The following URB1 variants were observed in gnomAD, a reference collection of about 807,000 sequenced individuals.
URB1 encodes the protein nucleolar pre-ribosomal-associated protein 1.
URB1 carries 197 observed loss-of-function variants against 242.3 expected under a neutral mutation model. The ratio of observed to expected loss-of-function variants is 0.81; its 90% CI spans 0.72 to 0.91. The LOEUF is 0.91. Among genes scored for constraint, URB1 ranks in the 40% least tolerant of loss-of-function variants. URB1 has a pLI of 0.00. For synonymous variants in URB1, 1,153 were observed against 1,201.8 expected (o/e 0.96, Z 0.84); for missense variants, 2,721 against 2,860.5 (o/e 0.95, Z 1.11).
chr21:32,393,011 AGGAAGAGGCGGGGCTGGC>A (rs60255358), exon 1 of URB1: 121,172 of 1,329,102 alleles, frequency 0.091, 9,707 homozygotes, highest in African/African-American at 0.36. Context: ...CACATGGCGC[AGGAAGAGGCGGGGCTGGC>A]GGAAGAGGCG....
chr21:32,347,680 A>G lies in URB1; in HGVS notation c.3144T>C (p.Phe1048=), dbSNP rs1001514702. 9 of 1,551,398 alleles carry G rather than the reference A, an allele frequency of 5.8e-6. No homozygotes were observed. Among genetic ancestry groups the G allele is most frequent in the Middle Eastern group, 3.3e-4 (2 of 6,014 alleles). ...CCAGCAGCTGAAGGACCCCTGCACT[A>G]AAGTGGGTGGCCAGGAGCTTCACGA... The part of the protein sequence containing the change: ...PVLVKLLATH[F]SAGVLQLLAA... Residue 1048 remains phenylalanine (F), a synonymous_variant, in exon 22 of 39, where the codon TTT becomes TTC. Transcript: ENST00000382751.
At chr21:32,390,275 A>G (rs528545108) in intron 1 of URB1, among the ~76,000 whole-genome samples, 195 of 152,328 alleles carry the variant, frequency 1.3e-3, no homozygotes, top group African/African-American at 4.5e-3. Context: ...TAGATACTAC[A>G]TCTTTTTAAC....
intron 18 of URB1, among the ~76,000 whole-genome samples, chr21:32,353,653 A>T (rs1407561876): frequency 2.0e-5 from 3 of 152,218 alleles, no homozygotes; most frequent in Non-Finnish European, 2.9e-5. Context: ...ATGTTGACGA[A>T]AAAACATCAA....
At chr21:32,355,678 G>A (rs148771154) in intron 15 of URB1, 113 bp from the exon 16 acceptor site, 14 of 853,288 alleles carry the variant, frequency 1.6e-5, no homozygotes, top group African/African-American at 1.5e-4. Context: ...GCATGATCTC[G>A]GCTCACTGCA....
In URB1 at chr21:32,319,331, T is replaced by C. The variant is rs1234721655; in HGVS notation, c.5678A>G (p.Glu1893Gly). The change falls in exon 36 of 39, where the codon GAG becomes GGG. Residue 1893 changes from glutamate (E) to glycine (G), a missense_variant. Transcript: ENST00000382751. The part of the protein sequence containing the change: ...WVTNLGDKAV[E>G]WESQRLCQPS... Reference sequence around the variant, plus strand: ...CTGGCAAAGGCGCTGGCTCTCCCACTCCACTGCCTTGTCCCCCAGGTTGGT... The same window carrying C: ...CTGGCAAAGGCGCTGGCTCTCCCACCCCACTGCCTTGTCCCCCAGGTTGGT... The C allele has an allele frequency of 2.6e-6, 4 of 1,551,266 alleles. No homozygotes were observed. Among genetic ancestry groups the C allele is most frequent in the Admixed American group, 3.9e-5 (2 of 50,948 alleles).
At chr21:32,324,220 A>T (rs959909281) in intron 32 of URB1, among the ~76,000 whole-genome samples, 21 of 152,194 alleles carry the variant, frequency 1.4e-4, no homozygotes, top group Non-Finnish European at 2.1e-4. Context: ...TCCCTCCATT[A>T]TAAATACTGT....
In URB1 at chr21:32,312,294, G is replaced by A. The variant is rs535852507; in HGVS notation, c.*2624C>T. The stretch of plus-strand genomic sequence containing the variant: ...TATATGCAAATCAAGAGGAAAAGCT[G>A]TTTGCTTACTAATCTTTACTATGCC... On this transcript the variant is annotated 3_prime_UTR_variant, in exon 39 of 39. Coordinates refer to ENST00000382751, the MANE Select transcript of URB1 (RefSeq NM_014825.3). The A allele has an allele frequency of 7.8e-5, 105 of 1,340,822 alleles. No individual in the cohort carries two copies. Among genetic ancestry groups the A allele is most frequent in the Middle Eastern group, 2.9e-4 (1 of 3,440 alleles). 83.1% of individuals were successfully genotyped at this position (1,340,822 alleles called of 1,614,324 possible). A position where few individuals can be genotyped will look rare whatever the true frequency, so the allele number is the denominator to read the frequency against.
chr21:32,343,881 TA>T lies in URB1; in HGVS notation c.4257+688del, dbSNP rs78964136. Among the ~76,000 whole-genome samples the T allele has an allele frequency of 6.3e-3, 912 of 144,294 alleles. 9 individuals are homozygous for T. Among genetic ancestry groups the T allele is most frequent in the African/African-American group, 0.02 (790 of 39,852 alleles). 94.7% of individuals were successfully genotyped at this position (144,294 alleles called of 152,430 possible). A position where few individuals can be genotyped will look rare whatever the true frequency, so the allele number is the denominator to read the frequency against. ...CATTATCAAACTGCTTTAAACCATG[TA>T]AAAAAAAAAAATCCTAAAATCAGTC... On this transcript the variant is annotated intron_variant, in intron 24 of 38. Coordinates refer to ENST00000382751, the MANE Select transcript of URB1 (RefSeq NM_014825.3).
chr21:32,317,506 A>C (rs1236780910), intron 37 of URB1, among the ~76,000 whole-genome samples, 170 bp downstream of exon 37: 1 of 152,174 alleles, frequency 6.6e-6, no homozygotes, highest in Admixed American at 6.5e-5. Context: ...GCTGGGCTGA[A>C]ACTCAAAGGC....
In URB1 at chr21:32,383,429, T is replaced by G; in HGVS notation, c.560A>C (p.Asp187Ala). Residue 187 changes from aspartate (D) to alanine (A), a missense_variant, in exon 4 of 39, where the codon GAT becomes GCT. Physicochemically the swap from Asp to Ala is moderately radical, Grantham distance 126. Coordinates refer to ENST00000382751, the MANE Select transcript of URB1 (RefSeq NM_014825.3). ...KTLYTLVTKR[D>A]SKGVYDVRQA... ...ACACTGTGGTCCCCTCACCTTTGAA[T>G]CCCTCTTGGTCACCAGGGTGTACAG... 1.3e-6 allele frequency: 2 copies of G among 1,551,198 alleles called. No homozygotes were observed. The highest frequency in any genetic ancestry group is 1.7e-6 in the Non-Finnish European group (2 of 1,146,788).
rs1239614211 is a variant in URB1, at chr21:32,338,736, C to T, written c.4481G>A (p.Gly1494Glu). 1.9e-6 allele frequency: 3 copies of T among 1,551,528 alleles called. No individual in the cohort carries two copies. The highest frequency in any genetic ancestry group is 2.6e-6 in the Non-Finnish European group (3 of 1,146,962). ...TACTTGGCTGTCCGGGCTCTCCTCT[C>T]CGTCAGACGTCAGTAGAGTCGGCAG... ...LFLPTLLTSD[G>E]EESPDSQVKE... Residue 1494 changes from glycine (G) to glutamate (E), a missense_variant, in exon 26 of 39, where the codon GGA becomes GAA. Gly to Glu is a moderately conservative substitution (Grantham distance 98, BLOSUM62 -2). Coordinates refer to ENST00000382751, the MANE Select transcript of URB1 (RefSeq NM_014825.3).
rs543207625 is a variant in URB1 at position 32,337,172 on chromosome 21, A to G, written c.4622-15T>C. On this transcript the variant is annotated splice_polypyrimidine_tract_variant and intron_variant, in intron 27 of 38. Transcript: ENST00000382751. ...AATCTTCTGATCTACAAGTCAAAGCAGGATCGGTTTAGGAAGATGAACCCC... is the reference window on the plus strand; with the variant it reads ...AATCTTCTGATCTACAAGTCAAAGCGGGATCGGTTTAGGAAGATGAACCCC... The G allele has an allele frequency of 6.4e-5, 100 of 1,551,788 alleles. 2 individuals are homozygous for G. The East Asian group carries it at 2.2e-3, about 33-fold the overall frequency.
intron 12 of URB1, among the ~76,000 whole-genome samples, chr21:32,361,598 C>T (rs756839524): frequency 3.3e-5 from 5 of 152,188 alleles, no homozygotes; most frequent in Non-Finnish European, 5.9e-5. Context: ...ACAGCACCCC[C>T]ATACTGTCAT....
chr21:32,354,282 T>C (rs550045319), intron 17 of URB1, among the ~76,000 whole-genome samples, 179 bp from the exon 18 acceptor site: 1 of 152,196 alleles, frequency 6.6e-6, no homozygotes, highest in Non-Finnish European at 1.5e-5. Context: ...ATGAAATCTT[T>C]TGTATCTTTG....
At chr21:32,364,966 C>T (rs889460472) in intron 10 of URB1, among the ~76,000 whole-genome samples, 4 of 152,228 alleles carry the variant, frequency 2.6e-5, no homozygotes, top group African/African-American at 4.8e-5. Flanking sequence ...TAGCCAACAG[C>T]GGGAGAGGAG....
At chr21:32,384,540 T>G in intron 2 of URB1, 76 bp from the exon 3 acceptor site, 1 of 1,489,098 alleles carries the variant, frequency 6.7e-7, no homozygotes, top group South Asian at 1.3e-5. Flanking sequence ...CCTTTTGTCT[T>G]AGCCATAGTT....
chr21:32,370,654 G>T (rs1466123827), intron 8 of URB1, among the ~76,000 whole-genome samples: 12 of 152,210 alleles, frequency 7.9e-5, no homozygotes, highest in Admixed American at 3.9e-4. Context: ...AGCTAAGTTG[G>T]GATTGAAGCC....
At chr21:32,358,164 T>C (rs941460733) in intron 14 of URB1, among the ~76,000 whole-genome samples, 11 of 152,226 alleles carry the variant, frequency 7.2e-5, no homozygotes, top group East Asian at 1.9e-4. Flanking sequence ...CAGGTAGCCC[T>C]GTTCCTGTGC....
At position 32,311,704 on chromosome 21, in the gene URB1, A is replaced by C; in HGVS notation, c.*3214T>G. 6.2e-7 allele frequency: 1 copy of C among 1,614,006 alleles called. No homozygotes were observed. Among genetic ancestry groups the C allele is most frequent in the Non-Finnish European group, 8.5e-7 (1 of 1,179,980 alleles). On this transcript the variant is annotated 3_prime_UTR_variant, in exon 39 of 39. Coordinates refer to ENST00000382751, the MANE Select transcript of URB1 (RefSeq NM_014825.3). ...CACAGGAACAGCCCCAAGCACCACC[A>C]AACATGCCCCTGGAGTCACGGCCTC...
Sources: gnomAD v4.1 joint callset for allele counts (sites outside exome capture counted in the v4.1 genomes callset) on GRCh38, gnomAD v4.1.1 for gene constraint, MANE v1.5 for transcripts, NCBI Gene and HGNC (gene_info 2026-07-23, HGNC 2026-07-21) for gene names.